STX11: variants seen among roughly 807,000 people sequenced by gnomAD.
STX11 encodes syntaxin 11.
STX11 carries 21 observed loss-of-function variants against 19.9 expected under a neutral mutation model. That is an observed-to-expected ratio of 1.06 (90% CI 0.75 to 1.52). The LOEUF (loss-of-function observed/expected upper bound fraction) is 1.52, where lower values mean the gene tolerates loss of function less well. Among genes scored for constraint, STX11 ranks in the 40% most tolerant of loss-of-function variants. The pLI, the probability that STX11 is intolerant of heterozygous loss-of-function variation, is 0.00. For missense variants in STX11, 438 were observed against 405.9 expected (o/e 1.08, Z -0.68); for synonymous variants, 193 against 174.4 (o/e 1.11, Z -0.84).
At position 144,166,692 on chromosome 6, in the gene STX11, A is replaced by G. The variant is rs550352378; in HGVS notation, c.-6+15989A>G. On this transcript the variant is annotated intron_variant, in intron 1 of 1. Coordinates refer to ENST00000367568, the MANE Select transcript of STX11 (RefSeq NM_003764.4). ...AGGCATGTGCCACCACACCCTGCTA[A>G]TTTTTGTATTTTTAGTAGACCCGGG... Among the ~76,000 whole-genome samples, 146 of 151,478 alleles carry G rather than the reference A, an allele frequency of 9.6e-4. 1 individual carries two copies. In the South Asian group the frequency reaches 0.029, roughly 30 times the overall value.
At chr6:144,141,002 T>C in the STX11 span, among the ~76,000 whole-genome samples, 3 of 152,272 alleles carry the variant, frequency 2.0e-5, no homozygotes, top group African/African-American at 4.8e-5. Flanking sequence ...GCATGGCTTA[T>C]GTGTTATATT....
Position 144,187,116 on chromosome 6 carries a change from C to T in STX11, c.489C>T (p.Arg163=), listed in dbSNP as rs752083574. 9.3e-6 allele frequency: 15 copies of T among 1,613,958 alleles called. No individual in the cohort carries two copies. Among genetic ancestry groups the T allele is most frequent in the Non-Finnish European group, 8.5e-6 (10 of 1,180,016 alleles). Residue 163 remains arginine, a synonymous_variant, in exon 2 of 2, where the codon CGC becomes CGT. Coordinates refer to ENST00000367568, the MANE Select transcript of STX11 (RefSeq NM_003764.4). This position sits in a 1 kb window ranked among gnomAD's most constrained non-coding sequence, Gnocchi z 5.6. ...QRDNCKIRIQ[R]QLEIMGKEVS... ...ACAACTGCAAGATCCGCATCCAGCG[C>T]CAGCTGGAGATCATGGGCAAGGAAG...
intron 1 of STX11, among the ~76,000 whole-genome samples, chr6:144,181,068 T>C (rs536352945): frequency 6.6e-6 from 1 of 152,334 alleles, no homozygotes; most frequent in East Asian, 1.9e-4. Flanking sequence ...TTCCTTTTCC[T>C]TTTGAGCTTC....
Position 144,186,834 on chromosome 6 carries a change from C to T in STX11, c.207C>T (p.Asn69=). The T allele has an allele frequency of 6.2e-7, 1 of 1,613,366 alleles. No individual in the cohort carries two copies. The highest frequency in any genetic ancestry group is 2.2e-5 in the East Asian group (1 of 44,866). The change falls in exon 2 of 2, where the codon AAC becomes AAT. Residue 69 remains asparagine (N), a synonymous_variant. Transcript: ENST00000367568. Reference sequence around the variant, plus strand: ...ACGTGAAGCGGCTGGGAAAGCAGAACGCCCGCTTCCTCACGTCCATGCGGC... The same window carrying T: ...ACGTGAAGCGGCTGGGAAAGCAGAATGCCCGCTTCCTCACGTCCATGCGGC... The part of the protein sequence containing the change: ...VADVKRLGKQ[N]ARFLTSMRRL...
Position 144,186,960 on chromosome 6 carries a change from C to T in STX11, c.333C>T (p.Ser111=). ...AGCTGCGCGCCATGAAGGAGCTGAG[C>T]GAGGCGGCTGAGGCCCAGCACGGCC... is the stretch of plus-strand genomic sequence containing the variant. ...HCKLRAMKEL[S]EAAEAQHGPH... The change falls in exon 2 of 2, where the codon AGC becomes AGT. Residue 111 remains serine, a synonymous_variant. Coordinates refer to ENST00000367568, the MANE Select transcript of STX11 (RefSeq NM_003764.4). 1.2e-6 allele frequency: 2 copies of T among 1,609,078 alleles called. No individual in the cohort carries two copies. Among genetic ancestry groups the T allele is most frequent in the Non-Finnish European group, 8.5e-7 (1 of 1,179,748 alleles).
rs530750035 is a variant in STX11 at position 144,154,124 on chromosome 6, G to T, written c.-6+3421G>T. Among the ~76,000 whole-genome samples, 69 of 152,344 alleles carry T rather than the reference G, an allele frequency of 4.5e-4. No homozygotes were observed. Among genetic ancestry groups the T allele is most frequent in the African/African-American group, 1.6e-3 (68 of 41,588 alleles). On this transcript the variant is annotated intron_variant, in intron 1 of 1. Coordinates refer to ENST00000367568, the MANE Select transcript of STX11 (RefSeq NM_003764.4). This position sits in a 1 kb window ranked among gnomAD's most constrained non-coding sequence, Gnocchi z 4.7. ...GAAAGTGCAGTGTTAGTAACTGACA[G>T]AGCCAGAAATGGATCCCAAGCACTT... is the stretch of plus-strand genomic sequence containing the variant.
upstream of STX11, among the ~76,000 whole-genome samples, chr6:144,145,999 C>T (rs117443563): frequency 2.1e-4 from 32 of 152,318 alleles, 1 homozygote; most frequent in East Asian, 6.0e-3. Context: ...AGTTTAAACA[C>T]ATTCTTTATC....
At position 144,152,911 on chromosome 6, in the gene STX11, G is replaced by A. The variant is rs545250076; in HGVS notation, c.-6+2208G>A. On this transcript the variant is annotated intron_variant, in intron 1 of 1. Transcript: ENST00000367568. The surrounding 1 kb of genome is among the most constrained non-coding windows in gnomAD (Gnocchi z 4.9). The stretch of plus-strand genomic sequence containing the variant: ...GGCCTCCCAAAGTGCTGGGATTGCA[G>A]ATGTGAGCCACCATGCCCTGCCTAA... Among the ~76,000 whole-genome samples the A allele has an allele frequency of 6.4e-4, 98 of 152,374 alleles. 1 individual carries two copies. The highest frequency in any genetic ancestry group is 1.1e-3 in the Non-Finnish European group (77 of 68,050).
rs2128746139 is a variant in STX11, at chr6:144,152,359, A to T, written c.-6+1656A>T. ...ATGTTTCTGAAGATCTGGGATTTGGAATGGACTGGGTCATGGCTGGAAGAG... is the reference window on the plus strand; with the variant it reads ...ATGTTTCTGAAGATCTGGGATTTGGTATGGACTGGGTCATGGCTGGAAGAG... On this transcript the variant is annotated intron_variant, in intron 1 of 1. Coordinates refer to ENST00000367568, the MANE Select transcript of STX11 (RefSeq NM_003764.4). This position sits in a 1 kb window ranked among gnomAD's most constrained non-coding sequence, Gnocchi z 4.9. 6.6e-6 allele frequency among the ~76,000 whole-genome samples: 1 copy of T among 152,344 alleles called. No homozygotes were observed. The highest frequency in any genetic ancestry group is 1.9e-4 in the East Asian group (1 of 5,184).
chr6:144,143,470 A>G, the STX11 span, among the ~76,000 whole-genome samples: 1 of 152,158 alleles, frequency 6.6e-6, no homozygotes. Flanking sequence ...GGAACCTTTG[A>G]CTGAGAATCA....
rs1425569407 is a variant in STX11 at position 144,155,940 on chromosome 6, A to ATCTAT, written c.-6+5240_-6+5241insATTCT. 8.3e-6 allele frequency among the ~76,000 whole-genome samples: 1 copy of ATCTAT among 119,844 alleles called. No individual in the cohort carries two copies. Among genetic ancestry groups the ATCTAT allele is most frequent in the African/African-American group, 3.2e-5 (1 of 31,114 alleles). 78.6% of individuals were successfully genotyped at this position (119,844 alleles called of 152,430 possible). A position where few individuals can be genotyped will look rare whatever the true frequency, so the allele number is the denominator to read the frequency against. On this transcript the variant is annotated intron_variant, in intron 1 of 1. Coordinates refer to ENST00000367568, the MANE Select transcript of STX11 (RefSeq NM_003764.4). The surrounding 1 kb of genome is among the most constrained non-coding windows in gnomAD (Gnocchi z 4.5). ...CTAATTAAATGTGTTTTAAAATTTA[A>ATCTAT]TCTTTCTTTCTTTCTTTCTTTCTTT...
At chr6:144,173,113 C>G (rs1456100533) in intron 1 of STX11, among the ~76,000 whole-genome samples, 1 of 152,166 alleles carries the variant, frequency 6.6e-6, no homozygotes, top group Non-Finnish European at 1.5e-5. Context: ...TATTTTTGCT[C>G]CTAAATAGCT....
chr6:144,157,796 G>C (rs1034444455), intron 1 of STX11, among the ~76,000 whole-genome samples: 2 of 152,062 alleles, frequency 1.3e-5, no homozygotes, highest in African/African-American at 2.4e-5. Flanking sequence ...ACACACACCA[G>C]TCCTTGCTGT....
At position 144,182,415 on chromosome 6, in the gene STX11, C is replaced by T. The variant is rs1801931708; in HGVS notation, c.-5-4208C>T. 6.6e-6 allele frequency among the ~76,000 whole-genome samples: 1 copy of T among 152,188 alleles called. No individual in the cohort carries two copies. The highest frequency in any genetic ancestry group is 6.5e-5 in the Admixed American group (1 of 15,276). On this transcript the variant is annotated intron_variant, in intron 1 of 1. Transcript: ENST00000367568. This position sits in a 1 kb window ranked among gnomAD's most constrained non-coding sequence, Gnocchi z 4.8. Reference sequence around the variant, plus strand: ...GGAAGGCCAGGTGAAGGCCCCCTTCCCTCCTTTACCACACCTCAATAGAGA... The same window carrying T: ...GGAAGGCCAGGTGAAGGCCCCCTTCTCTCCTTTACCACACCTCAATAGAGA...
At chr6:144,149,945 A>G (rs150254329), upstream of STX11, among the ~76,000 whole-genome samples, 277 of 152,192 alleles carry the variant, frequency 1.8e-3, 1 homozygote, top group African/African-American at 6.0e-3. The surrounding 1 kb of genome is among the most constrained non-coding windows in gnomAD (Gnocchi z 5.1). Flanking sequence ...CGGTGGGCAC[A>G]CAAGGGGACG....
Position 144,151,501 on chromosome 6 carries a change from A to G in STX11, c.-6+798A>G, listed in dbSNP as rs868071624. 1.1e-6 allele frequency: 1 copy of G among 919,590 alleles called. No homozygotes were observed. The highest frequency in any genetic ancestry group is 1.3e-6 in the Non-Finnish European group (1 of 769,900). The allele number at this position is 919,590 out of a possible 1,614,324, so 57.0% of individuals were successfully genotyped here. ...GGCTTGCTTTAAAATGAGACTCTAG[A>G]TGTGAAATGCCTGCCCTGCCAACCT... On this transcript the variant is annotated intron_variant, in intron 1 of 1. Transcript: ENST00000367568. The surrounding 1 kb of genome is among the most constrained non-coding windows in gnomAD (Gnocchi z 4.6).
At position 144,176,854 on chromosome 6, in the gene STX11, A is replaced by T. The variant is rs1801790734; in HGVS notation, c.-5-9769A>T. Among the ~76,000 whole-genome samples, 1 of 152,180 alleles carries T rather than the reference A, an allele frequency of 6.6e-6. No individual in the cohort carries two copies. Among genetic ancestry groups the T allele is most frequent in the Admixed American group, 6.5e-5 (1 of 15,280 alleles). ...ACAAAGATAAGTAGATGCCTTTGAC[A>T]TTTGAAGGGAGAAACTTCAGTTACT... On this transcript the variant is annotated intron_variant, in intron 1 of 1. Transcript: ENST00000367568. The surrounding 1 kb of genome is among the most constrained non-coding windows in gnomAD (Gnocchi z 4.1).
Position 144,154,323 on chromosome 6 carries a change from A to G in STX11, c.-6+3620A>G, listed in dbSNP as rs1801079943. 6.6e-6 allele frequency among the ~76,000 whole-genome samples: 1 copy of G among 152,180 alleles called. No homozygotes were observed. Among genetic ancestry groups the G allele is most frequent in the Admixed American group, 6.5e-5 (1 of 15,276 alleles). On this transcript the variant is annotated intron_variant, in intron 1 of 1. Coordinates refer to ENST00000367568, the MANE Select transcript of STX11 (RefSeq NM_003764.4). This position sits in a 1 kb window ranked among gnomAD's most constrained non-coding sequence, Gnocchi z 4.7. Reference sequence around the variant, plus strand: ...CATAAGATGGGCCTTCAGTGTCCCTACTGTGCTACATGACATCCCACCCCC... The same window carrying G: ...CATAAGATGGGCCTTCAGTGTCCCTGCTGTGCTACATGACATCCCACCCCC...
chr6:144,186,732 C>T lies in STX11; in HGVS notation c.105C>T (p.Phe35=), dbSNP rs770690889. The T allele has an allele frequency of 2.4e-5, 39 of 1,614,030 alleles. No individual in the cohort carries two copies. The highest frequency in any genetic ancestry group is 3.3e-4 in the Middle Eastern group (2 of 6,084). The change falls in exon 2 of 2, where the codon TTC becomes TTT. Residue 35 remains phenylalanine, a synonymous_variant. Transcript: ENST00000367568. The part of the protein sequence containing the change: ...EFDSPHEDIV[F]ETDHILESLY... Reference sequence around the variant, plus strand: ...ACTCGCCCCACGAGGACATCGTGTTCGAGACGGACCACATCCTGGAGTCCC... The same window carrying T: ...ACTCGCCCCACGAGGACATCGTGTTTGAGACGGACCACATCCTGGAGTCCC...
Sources: allele counts gnomAD v4.1 joint callset (sites outside exome capture counted in the v4.1 genomes callset), GRCh38; gene constraint gnomAD v4.1.1; non-coding constraint Gnocchi (gnomAD v3.1); transcripts MANE v1.5; gene names NCBI Gene and HGNC (gene_info 2026-07-23, HGNC 2026-07-21).